The following RPF2 variants were observed in gnomAD, a reference collection of about 807,000 sequenced individuals.
RPF2 encodes the protein brix domain containing 1.
Under a neutral mutation model 38.9 loss-of-function variants are expected in RPF2, and 21 were observed. The observed-to-expected ratio is 0.54, with a 90% CI of 0.38 to 0.78. RPF2 has a LOEUF of 0.78. RPF2 is among the 30% of genes least tolerant of loss of function. RPF2 has a pLI of 0.00. For missense variants in RPF2, 314 were observed against 358.1 expected (o/e 0.88, Z 0.99); for synonymous variants, 121 against 126.2 (o/e 0.96, Z 0.28).
intron 6 of RPF2, among the ~76,000 whole-genome samples, chr6:111,000,224 AC>A (rs1771790672): frequency 6.6e-6 from 1 of 151,744 alleles, no homozygotes; most frequent in Non-Finnish European, 1.5e-5. Flanking sequence ...TCCTACCTCA[AC>A]CCCCAAGTAG....
At chr6:111,023,949 CT>C (rs1229784406) in intron 8 of RPF2, among the ~76,000 whole-genome samples, 4 of 151,660 alleles carry the variant, frequency 2.6e-5, no homozygotes, top group Admixed American at 2.6e-4. Flanking sequence ...GATCGCGCCA[CT>C]GCACTCCAGC....
chr6:110,989,418 A>T (rs919495361), intron 3 of RPF2, among the ~76,000 whole-genome samples: 1 of 152,186 alleles, frequency 6.6e-6, no homozygotes, highest in Non-Finnish European at 1.5e-5. Flanking sequence ...CACTCATGTT[A>T]ATCAAATGAC....
chr6:110,997,382 A>G, intron 5 of RPF2, 118 bp downstream of exon 5: 1 of 653,406 alleles, frequency 1.5e-6, no homozygotes. Flanking sequence ...TAATTCATCC[A>G]AGAGGCATAG....
At chr6:111,016,549 A>C (rs896925422) in intron 8 of RPF2, among the ~76,000 whole-genome samples, 8 of 148,332 alleles carry the variant, frequency 5.4e-5, no homozygotes, top group Admixed American at 5.4e-4. Context: ...GTGAGCCATG[A>C]TTGTGCCACT....
At chr6:111,008,466 A>G (rs1050178371) in intron 7 of RPF2, among the ~76,000 whole-genome samples, 2 of 151,902 alleles carry the variant, frequency 1.3e-5, no homozygotes, top group African/African-American at 4.8e-5. Context: ...GGGAGAGTTA[A>G]AGCAGCTGTT....
chr6:111,000,833 A>G (rs547810595), intron 6 of RPF2, among the ~76,000 whole-genome samples: 1 of 152,304 alleles, frequency 6.6e-6, no homozygotes, highest in African/African-American at 2.4e-5. Context: ...GGTCAGTATA[A>G]CCAAGATTAG....
At chr6:111,017,429 G>A (rs1263990121) in intron 8 of RPF2, among the ~76,000 whole-genome samples, 11 of 149,908 alleles carry the variant, frequency 7.3e-5, no homozygotes, top group Non-Finnish European at 1.5e-4. Flanking sequence ...GGCGGCTGCC[G>A]GATGGGGGGG....
rs1562374709 is a variant in RPF2, at chr6:111,015,738, T to C, written c.494-16T>C. ...TATTTGTTTTGTTTTGTTAATAATT[T>C]AATATGTGCTTTTAGATTTCTTCAG... On this transcript the variant is annotated splice_polypyrimidine_tract_variant and intron_variant, in intron 7 of 9. Coordinates refer to ENST00000441448, the MANE Select transcript of RPF2 (RefSeq NM_032194.3). 6.6e-7 allele frequency: 1 copy of C among 1,522,932 alleles called. No individual in the cohort carries two copies. The highest frequency in any genetic ancestry group is 1.1e-5 in the South Asian group (1 of 88,866). The allele number at this position is 1,522,932 out of a possible 1,614,324, so 94.3% of individuals were successfully genotyped here.
At chr6:111,002,116 C>G (rs1310003820) in intron 6 of RPF2, among the ~76,000 whole-genome samples, 1 of 152,044 alleles carries the variant, frequency 6.6e-6, no homozygotes, top group East Asian at 1.9e-4. Context: ...CCCATCTCTA[C>G]TAAAAATACA....
chr6:111,000,259 C>T (rs1297575218), intron 6 of RPF2, among the ~76,000 whole-genome samples: 1 of 152,114 alleles, frequency 6.6e-6, no homozygotes, highest in African/African-American at 2.4e-5. Context: ...CACATGCCAG[C>T]ACGCCCAGCT....
At chr6:110,982,362 C>A (rs1771447952) in intron 1 of RPF2, 1 of 587,962 alleles carries the variant, frequency 1.7e-6, no homozygotes, top group South Asian at 2.0e-5. Context: ...AAGCGTTGGC[C>A]GCTTTTATCC....
chr6:110,984,097 A>T (rs6921444), intron 1 of RPF2, among the ~76,000 whole-genome samples: 37,445 of 151,958 alleles, frequency 0.25, 5,291 homozygotes, highest in East Asian at 0.65. Context: ...AAGCCTTAAT[A>T]GAGTGACTCC....
chr6:110,988,963 C>A (rs1771570870), intron 2 of RPF2, 65 bp from the exon 3 acceptor site: 1 of 1,548,392 alleles, frequency 6.5e-7, no homozygotes, highest in Non-Finnish European at 8.8e-7. Flanking sequence ...TGTTATGATG[C>A]TTTATTTTTA....
chr6:110,990,607 C>T (rs559376588), intron 3 of RPF2, among the ~76,000 whole-genome samples: 1 of 121,450 alleles, frequency 8.2e-6, no homozygotes, highest in African/African-American at 3.0e-5. Flanking sequence ...TAGTATGAGA[C>T]GGAGTCTCAC....
chr6:110,987,497 T>G (rs1771544131), intron 2 of RPF2, among the ~76,000 whole-genome samples: 2 of 152,208 alleles, frequency 1.3e-5, no homozygotes, highest in Admixed American at 1.3e-4. Context: ...ACTGCCCCTC[T>G]CCTTCTAGTA....
intron 7 of RPF2, among the ~76,000 whole-genome samples, chr6:111,008,648 C>T (rs1326509920): frequency 1.3e-5 from 2 of 152,094 alleles, no homozygotes; most frequent in East Asian, 3.8e-4. Context: ...ACTTCCAACT[C>T]AAAAACCTTA....
chr6:111,012,411 G>GC (rs1199712057), intron 7 of RPF2, among the ~76,000 whole-genome samples: 9 of 152,046 alleles, frequency 5.9e-5, no homozygotes, highest in Admixed American at 5.9e-4. Context: ...GGCTCAAGCA[G>GC]CCCTCCAGCC....
intron 7 of RPF2, among the ~76,000 whole-genome samples, chr6:111,009,087 G>A (rs1267803353): frequency 6.6e-6 from 1 of 151,758 alleles, no homozygotes; most frequent in Non-Finnish European, 1.5e-5. Flanking sequence ...ACGGAGTCTC[G>A]CTCTGTCGCC....
intron 8 of RPF2, among the ~76,000 whole-genome samples, chr6:111,021,218 T>C (rs1772229089): frequency 6.6e-6 from 1 of 152,052 alleles, no homozygotes; most frequent in Admixed American, 6.6e-5. Context: ...GTAACTATAA[T>C]ACATAGATCC....
Sources: gnomAD v4.1 joint callset for allele counts (sites outside exome capture counted in the v4.1 genomes callset) on GRCh38, gnomAD v4.1.1 for gene constraint, MANE v1.5 for transcripts, NCBI Gene and HGNC (gene_info 2026-07-23, HGNC 2026-07-21) for gene names.